STXBP5L: variants seen among roughly 807,000 people sequenced by gnomAD.
STXBP5L encodes syntaxin binding protein 5L.
Under a neutral mutation model 144.5 loss-of-function variants are expected in STXBP5L, and 65 were observed. The ratio of observed to expected loss-of-function variants is 0.45; its 90% CI spans 0.37 to 0.55. The LOEUF is 0.55. Ranked by LOEUF, STXBP5L falls within the 20% of genes least tolerant of loss-of-function variation. The pLI is 0.00. For missense variants in STXBP5L, 1,298 were observed against 1,405.5 expected, an observed-to-expected ratio of 0.92 and a Z score of 1.22; for synonymous variants, 505 against 469.6, an observed-to-expected ratio of 1.08 and a Z score of -0.97.
At chr3:121,406,314 A>C (rs1037872164) in intron 22 of STXBP5L, among the ~76,000 whole-genome samples, 3 of 152,042 alleles carry the variant, frequency 2.0e-5, no homozygotes, top group Admixed American at 6.6e-5. Flanking sequence ...GTACTTTCTA[A>C]ATGAATATAC....
intron 22 of STXBP5L, among the ~76,000 whole-genome samples, chr3:121,392,971 A>T (rs2046633080): frequency 6.6e-6 from 1 of 151,748 alleles, no homozygotes; most frequent in African/African-American, 2.4e-5. Context: ...CTTGATCAAA[A>T]GATAGTTTTA....
intron 3 of STXBP5L, among the ~76,000 whole-genome samples, chr3:121,013,116 A>G (rs138884274): frequency 1.3e-5 from 2 of 151,986 alleles, no homozygotes; most frequent in South Asian, 4.1e-4. Context: ...ACCTGGGTTG[A>G]TTCCATGTTC....
At chr3:121,036,937 A>AT in intron 3 of STXBP5L, among the ~76,000 whole-genome samples, 1 of 151,668 alleles carries the variant, frequency 6.6e-6, no homozygotes, top group East Asian at 1.9e-4. Flanking sequence ...AAAAATATAT[A>AT]TTTTTTAGAG....
intron 7 of STXBP5L, among the ~76,000 whole-genome samples, chr3:121,133,492 GA>G (rs970467521): frequency 1.3e-5 from 2 of 151,520 alleles, no homozygotes; most frequent in African/African-American, 2.4e-5. Flanking sequence ...CATCCTAAAA[GA>G]AAAAAAATAC....
At chr3:120,986,041 A>C (rs1942257969) in intron 3 of STXBP5L, among the ~76,000 whole-genome samples, 1 of 151,914 alleles carries the variant, frequency 6.6e-6, no homozygotes, top group Non-Finnish European at 1.5e-5. Flanking sequence ...TAAACTAAAA[A>C]TTTTGGCCTT....
intron 18 of STXBP5L, among the ~76,000 whole-genome samples, chr3:121,263,360 A>AG (rs562524759): frequency 1.6e-4 from 25 of 152,328 alleles, no homozygotes; most frequent in African/African-American, 6.0e-4. Context: ...CACGAACATG[A>AG]GGAAAAACCA....
intron 19 of STXBP5L, among the ~76,000 whole-genome samples, chr3:121,312,530 GACAATAGTGGAGGGAAGGTC>G (rs1218725164): frequency 3.0e-5 from 4 of 133,650 alleles, no homozygotes; most frequent in Non-Finnish European, 6.2e-5. Context: ...AGGGTCATAG[GACAATAGTGGAGGGAAGGTC>G]AGCAGATAAA....
chr3:121,026,988 T>C (rs919104585), intron 3 of STXBP5L, among the ~76,000 whole-genome samples: 1 of 151,964 alleles, frequency 6.6e-6, no homozygotes. Context: ...CTGTTGATTC[T>C]CAGTTGCCTT....
intron 3 of STXBP5L, among the ~76,000 whole-genome samples, chr3:121,030,507 C>T (rs1327529432): frequency 2.6e-5 from 4 of 152,010 alleles, no homozygotes; most frequent in East Asian, 1.9e-4. Context: ...GCATGGCGAA[C>T]ATCACACACC....
At chr3:121,183,784 AG>A (rs1249354917) in intron 9 of STXBP5L, among the ~76,000 whole-genome samples, 1 of 152,108 alleles carries the variant, frequency 6.6e-6, no homozygotes, top group Non-Finnish European at 1.5e-5. Flanking sequence ...AGCTTCCAGC[AG>A]GGGTTGACAG....
At chr3:121,303,232 C>A (rs557253093) in intron 19 of STXBP5L, among the ~76,000 whole-genome samples, 1 of 152,170 alleles carries the variant, frequency 6.6e-6, no homozygotes. Context: ...TGAACAGACA[C>A]TTCTCAAAAG....
chr3:120,986,402 T>G (rs1439793736), intron 3 of STXBP5L, among the ~76,000 whole-genome samples: 2 of 152,004 alleles, frequency 1.3e-5, no homozygotes, highest in East Asian at 3.8e-4. Context: ...GTTGATTTAT[T>G]GTGTTAAATT....
chr3:120,917,315 G>T (rs908881248), intron 2 of STXBP5L, among the ~76,000 whole-genome samples: 10 of 152,130 alleles, frequency 6.6e-5, no homozygotes, highest in Admixed American at 1.3e-4. Flanking sequence ...ATATAATAGA[G>T]AATATAATTA....
intron 9 of STXBP5L, among the ~76,000 whole-genome samples, chr3:121,160,574 T>C (rs79412530): frequency 6.6e-6 from 1 of 152,262 alleles, no homozygotes; most frequent in East Asian, 1.9e-4. Context: ...TATAACAGAC[T>C]TAAGCATTTG....
At chr3:121,070,219 A>G (rs1462304806) in intron 5 of STXBP5L, among the ~76,000 whole-genome samples, 1 of 152,242 alleles carries the variant, frequency 6.6e-6, no homozygotes, top group Non-Finnish European at 1.5e-5. Flanking sequence ...GGCGAGAAGT[A>G]AGTTACAGAA....
chr3:120,944,055 C>T (rs1422536108), intron 2 of STXBP5L, among the ~76,000 whole-genome samples: 2 of 151,412 alleles, frequency 1.3e-5, no homozygotes, highest in African/African-American at 2.4e-5. Context: ...GGAACAAAAA[C>T]ATTTGTGTGG....
intron 9 of STXBP5L, among the ~76,000 whole-genome samples, chr3:121,171,655 C>A (rs1378705622): frequency 6.6e-6 from 1 of 152,066 alleles, no homozygotes; most frequent in Non-Finnish European, 1.5e-5. Flanking sequence ...ATGTGTAAGA[C>A]CTCTTCAAGC....
At chr3:121,196,995 C>A (rs997610798) in intron 9 of STXBP5L, among the ~76,000 whole-genome samples, 2 of 151,978 alleles carry the variant, frequency 1.3e-5, no homozygotes, top group Admixed American at 6.6e-5. Context: ...TTTTTCTTTT[C>A]TTTTCTTCTC....
intron 20 of STXBP5L, among the ~76,000 whole-genome samples, chr3:121,346,537 A>T (rs1437372803): frequency 6.6e-6 from 1 of 152,156 alleles, no homozygotes; most frequent in Middle Eastern, 3.2e-3. Context: ...ACTGTCTTCC[A>T]CAATGGTTGA....
Sources: gnomAD v4.1 joint callset for allele counts (sites outside exome capture counted in the v4.1 genomes callset) on GRCh38, gnomAD v4.1.1 for gene constraint, MANE v1.5 for transcripts, NCBI Gene and HGNC (gene_info 2026-07-23, HGNC 2026-07-21) for gene names.